GNB1L: variants seen among roughly 807,000 people sequenced by gnomAD.
The protein encoded by GNB1L is guanine nucleotide-binding protein subunit beta-like protein 1.
Under a neutral mutation model 29.1 loss-of-function variants are expected in GNB1L, and 20 were observed. That is an observed-to-expected ratio of 0.69 (90% CI 0.48 to 1.00). The LOEUF (loss-of-function observed/expected upper bound fraction) is 1.00. GNB1L is among the 50% of genes least tolerant of loss of function. GNB1L has a pLI of 0.00. For missense variants in GNB1L, 421 were observed against 464.9 expected (o/e 0.91, Z 0.87); for synonymous variants, 193 against 206.5 (o/e 0.93, Z 0.56).
At chr22:19,846,587 A>G in intron 2 of GNB1L, 1 of 982,904 alleles carries the variant, frequency 1.0e-6, no homozygotes, top group Non-Finnish European at 1.2e-6. Flanking sequence ...GGGCAGAACT[A>G]TGTCCCTTCA....
chr22:19,851,091 C>G (rs1370786118), intron 2 of GNB1L: 4 of 1,489,506 alleles, frequency 2.7e-6, no homozygotes, highest in African/African-American at 2.8e-5. Context: ...TCTGCTCTGA[C>G]TGGGGACTAT....
At position 19,849,042 on chromosome 22, in the gene GNB1L, G is replaced by A. The variant is rs1026331598; in HGVS notation, c.-21+5401C>T. ...ACCCACAAAAGGGGGGATGGGGCCT[G>A]AGTCATCGGACGGAGGGCAGCTGTG... On this transcript the variant is annotated intron_variant, in intron 2 of 7. Coordinates refer to ENST00000329517, the MANE Select transcript of GNB1L (RefSeq NM_053004.3). 3 of 985,364 alleles carry A rather than the reference G, an allele frequency of 3.0e-6. No individual in the cohort carries two copies. The African/African-American group carries it at 5.2e-5, about 17-fold the overall frequency. 61.0% of individuals were successfully genotyped at this position (985,364 alleles called of 1,614,324 possible).
At chr22:19,837,244 G>A (rs954007995) in intron 2 of GNB1L, among the ~76,000 whole-genome samples, 1 of 152,194 alleles carries the variant, frequency 6.6e-6, no homozygotes, top group African/African-American at 2.4e-5. Context: ...GGGATTACAG[G>A]CGTGAGCCAC....
intron 7 of GNB1L, among the ~76,000 whole-genome samples, chr22:19,795,914 G>A (rs530547486): frequency 4.9e-4 from 75 of 152,266 alleles, no homozygotes; most frequent in Non-Finnish European, 8.1e-4. Context: ...CCTAAAGGAT[G>A]CGCTTTTTGG....
chr22:19,796,038 C>A (rs1937302584), intron 7 of GNB1L, among the ~76,000 whole-genome samples: 1 of 152,110 alleles, frequency 6.6e-6, no homozygotes, highest in Admixed American at 6.5e-5. Flanking sequence ...CCTGGAGGGC[C>A]AGGAAGGTTG....
At chr22:19,846,544 A>G (rs969489739) in intron 2 of GNB1L, 12 of 985,418 alleles carry the variant, frequency 1.2e-5, no homozygotes, top group Middle Eastern at 5.2e-4. Flanking sequence ...CAGCAAAGAC[A>G]AAACCAGAGA....
At chr22:19,821,719 T>C (rs906530828) in intron 2 of GNB1L, among the ~76,000 whole-genome samples, 6 of 152,188 alleles carry the variant, frequency 3.9e-5, no homozygotes, top group Non-Finnish European at 7.4e-5. Flanking sequence ...ACCTGAGCCA[T>C]CCCTGAGTGG....
intron 7 of GNB1L, among the ~76,000 whole-genome samples, chr22:19,790,564 C>A (rs1302275615): frequency 6.6e-6 from 1 of 152,176 alleles, no homozygotes; most frequent in African/African-American, 2.4e-5. Flanking sequence ...GTAATCCCAG[C>A]TGCTTGGGAG....
intron 5 of GNB1L, among the ~76,000 whole-genome samples, chr22:19,810,434 A>C (rs1012031229): frequency 6.6e-6 from 1 of 151,934 alleles, no homozygotes; most frequent in Non-Finnish European, 1.5e-5. Flanking sequence ...CTGATGCCCC[A>C]CTCTGGGCGC....
intron 2 of GNB1L, among the ~76,000 whole-genome samples, chr22:19,853,979 A>C (rs1039896190): frequency 6.6e-6 from 1 of 151,766 alleles, no homozygotes; most frequent in African/African-American, 2.4e-5. Flanking sequence ...CCAGTCCCCT[A>C]CCCTGCCCAC....
At chr22:19,826,951 C>A in intron 2 of GNB1L, among the ~76,000 whole-genome samples, 1 of 152,114 alleles carries the variant, frequency 6.6e-6, no homozygotes, top group East Asian at 1.9e-4. Context: ...TCAAGAGAAA[C>A]AACCAAAGGA....
intron 2 of GNB1L, among the ~76,000 whole-genome samples, chr22:19,823,892 C>A (rs1337805584): frequency 6.6e-6 from 1 of 152,200 alleles, no homozygotes; most frequent in Non-Finnish European, 1.5e-5. Context: ...CAGGCACTCA[C>A]GTATGTGCAC....
chr22:19,831,678 G>A (rs573200402), intron 2 of GNB1L, among the ~76,000 whole-genome samples: 2 of 150,658 alleles, frequency 1.3e-5, no homozygotes, highest in South Asian at 4.2e-4. Flanking sequence ...GCGACAGAGT[G>A]AGACTCTGCC....
chr22:19,837,430 T>C (rs1937784849), intron 2 of GNB1L, among the ~76,000 whole-genome samples: 1 of 152,136 alleles, frequency 6.6e-6, no homozygotes, highest in African/African-American at 2.4e-5. Flanking sequence ...GGCAATAGAT[T>C]TGAACAAACA....
chr22:19,802,194 A>AGTGGGCGGGAGCTGCAGTCG lies in GNB1L; in HGVS notation c.519_538dup (p.Leu180ProfsTer180), dbSNP rs1937382059. The AGTGGGCGGGAGCTGCAGTCG allele has an allele frequency of 6.2e-7, 1 of 1,612,826 alleles. No individual in the cohort carries two copies. The highest frequency in any genetic ancestry group is 8.5e-7 in the Non-Finnish European group (1 of 1,180,012). ...TCCATCCTCATAGCCGGCCAGAAGGAGTGGGCGGGAGCTGCAGTCGGCCTG... is the reference window on the plus strand; with the variant it reads ...TCCATCCTCATAGCCGGCCAGAAGGAGTGGGCGGGAGCTGCAGTCGGTGGGCGGGAGCTGCAGTCGGCCTG... On this transcript the variant is annotated frameshift_variant, in exon 7 of 8. Transcript: ENST00000329517. LOFTEE classifies it high-confidence loss of function.
chr22:19,809,811 G>A (rs1937478644), intron 5 of GNB1L, among the ~76,000 whole-genome samples: 1 of 152,202 alleles, frequency 6.6e-6, no homozygotes, highest in Non-Finnish European at 1.5e-5. Flanking sequence ...TAAAGTCAGA[G>A]TCTCACTCTG....
intron 6 of GNB1L, among the ~76,000 whole-genome samples, chr22:19,806,417 G>A (rs571748726): frequency 2.0e-5 from 3 of 152,324 alleles, no homozygotes; most frequent in African/African-American, 7.2e-5. Flanking sequence ...TGCAAAGGAC[G>A]AGGACCTGCT....
In GNB1L at chr22:19,788,878, C is replaced by T. The variant is rs138975935; in HGVS notation, c.815G>A (p.Gly272Asp). The T allele has an allele frequency of 6.2e-7, 1 of 1,612,918 alleles. No homozygotes were observed. The highest frequency in any genetic ancestry group is 8.5e-7 in the Non-Finnish European group (1 of 1,179,958). Reference sequence around the variant, plus strand: ...GAACACGCGGATGCGGTGGTCCCAGCCTGCGGTGGCCAGGATCTTGCGATC... The same window carrying T: ...GAACACGCGGATGCGGTGGTCCCAGTCTGCGGTGGCCAGGATCTTGCGATC... ...RPDRKILATA[G>D]WDHRIRVFHW... Residue 272 changes from glycine to aspartate, a missense_variant, in exon 8 of 8, where the codon GGC (glycine) becomes GAC (aspartate). Transcript: ENST00000329517.
chr22:19,827,130 T>C (rs1394397301), intron 2 of GNB1L, among the ~76,000 whole-genome samples: 1 of 152,106 alleles, frequency 6.6e-6, no homozygotes, highest in Non-Finnish European at 1.5e-5. Context: ...CTACAGATAA[T>C]GGGGTGTTAT....
Sources: allele counts gnomAD v4.1 joint callset (sites outside exome capture counted in the v4.1 genomes callset), GRCh38; gene constraint gnomAD v4.1.1; transcripts MANE v1.5; gene names NCBI Gene and HGNC (gene_info 2026-07-23, HGNC 2026-07-21).